Variants in WDR20 observed in about 807,000 individuals in gnomAD.
WDR20 encodes the protein WD repeat-containing protein 20.
Under a neutral mutation model 38.7 loss-of-function variants are expected in WDR20, and 3 were observed. The observed-to-expected ratio is 0.08, with a 90% CI of 0.04 to 0.20. The LOEUF (loss-of-function observed/expected upper bound fraction) is 0.20, where lower values mean the gene tolerates loss of function less well. Among genes scored for constraint, WDR20 ranks in the 10% least tolerant of loss-of-function variants. The pLI, the probability that WDR20 is intolerant of heterozygous loss-of-function variation, is 1.00. For missense variants in WDR20, 559 were observed against 727.7 expected, an observed-to-expected ratio of 0.77 and a Z score of 2.67; for synonymous variants, 298 against 285.6, an observed-to-expected ratio of 1.04 and a Z score of -0.44.
chr14:102,141,681 A>G (rs1336478437), intron 1 of WDR20, among the ~76,000 whole-genome samples: 1 of 152,136 alleles, frequency 6.6e-6, no homozygotes, highest in African/African-American at 2.4e-5. Flanking sequence ...TAATAATCAT[A>G]ATGAACTTTA....
chr14:102,140,957 A>T (rs910037390), intron 1 of WDR20, among the ~76,000 whole-genome samples: 6 of 152,318 alleles, frequency 3.9e-5, no homozygotes, highest in Admixed American at 3.9e-4. Flanking sequence ...CTGTGTCCCA[A>T]ACAGGGAGTG....
downstream of WDR20, chr14:102,213,174 G>T (rs1374747508): frequency 1.0e-6 from 1 of 985,562 alleles, no homozygotes; most frequent in African/African-American, 1.7e-5. Flanking sequence ...CGATGGGGCA[G>T]GCTTCTAAAC....
chr14:102,195,180 G>A (rs1246303395), intron 2 of WDR20, 60 bp downstream of exon 2: 7 of 1,564,468 alleles, frequency 4.5e-6, no homozygotes, highest in African/African-American at 4.1e-5. Flanking sequence ...CATTCTTACC[G>A]AGGGTAGTCG....
Position 102,220,268 on chromosome 14 carries a change from G to GTCAGAAGCC in WDR20, c.1693-2561_1693-2553dup, listed in dbSNP as rs1364080560. 2.0e-5 allele frequency among the ~76,000 whole-genome samples: 3 copies of GTCAGAAGCC among 152,306 alleles called. No homozygotes were observed. The highest frequency in any genetic ancestry group is 6.5e-5 in the Admixed American group (1 of 15,298). Reference sequence around the variant, plus strand: ...AGGAAGGGTGCTGTCCCTCATGGCCGTCAGAAGCCACCTGCAGCCACTAAG... The same window carrying GTCAGAAGCC: ...AGGAAGGGTGCTGTCCCTCATGGCCGTCAGAAGCCTCAGAAGCCACCTGCAGCCACTAAG... On this transcript the variant is annotated intron_variant, in intron 3 of 3. Coordinates refer to the WDR20 transcript ENST00000335263. The surrounding 1 kb of genome is among the most constrained non-coding windows in gnomAD (Gnocchi z 4.2).
chr14:102,203,797 C>CTTA (rs1410408358), intron 2 of WDR20, among the ~76,000 whole-genome samples: 2 of 152,162 alleles, frequency 1.3e-5, no homozygotes, highest in African/African-American at 2.4e-5. Flanking sequence ...AATTCCATTA[C>CTTA]TTATCATTGA....
In WDR20 at chr14:102,221,514, C is replaced by T. The variant is rs920940483; in HGVS notation, c.1693-1316C>T. ...TTGAGCCAGAAGTATGGGGCGTTTG[C>T]GGGGTCCTCCACAAGTACAAACAGG... On this transcript the variant is annotated intron_variant, in intron 3 of 3. Coordinates refer to the WDR20 transcript ENST00000335263. This position sits in a 1 kb window ranked among gnomAD's most constrained non-coding sequence, Gnocchi z 4.8. 2.6e-5 allele frequency among the ~76,000 whole-genome samples: 4 copies of T among 152,286 alleles called. No individual in the cohort carries two copies. Among genetic ancestry groups the T allele is most frequent in the African/African-American group, 9.6e-5 (4 of 41,556 alleles).
At chr14:102,163,711 A>G (rs939178866) in intron 1 of WDR20, among the ~76,000 whole-genome samples, 1 of 151,464 alleles carries the variant, frequency 6.6e-6, no homozygotes. Flanking sequence ...ACAACCTCCA[A>G]TCTTATGTTG....
intron 2 of WDR20, chr14:102,195,772 A>G (rs1278351664): frequency 6.6e-6 from 1 of 152,256 alleles, no homozygotes; most frequent in African/African-American, 2.4e-5. Flanking sequence ...AATGTGGCAT[A>G]TAGAAATTGC....
At chr14:102,154,254 G>A (rs2056851447) in intron 1 of WDR20, among the ~76,000 whole-genome samples, 2 of 152,238 alleles carry the variant, frequency 1.3e-5, no homozygotes, top group African/African-American at 4.8e-5. Flanking sequence ...TAGGTAGCCT[G>A]TAAAGAACAG....
At chr14:102,150,830 C>G (rs1176575005) in intron 1 of WDR20, among the ~76,000 whole-genome samples, 3 of 152,212 alleles carry the variant, frequency 2.0e-5, no homozygotes, top group African/African-American at 7.2e-5. Context: ...TTCACACACT[C>G]ATTCTAAGAG....
chr14:102,213,328 CTT>C, downstream of WDR20: 1 of 985,452 alleles, frequency 1.0e-6, no homozygotes. Flanking sequence ...GGAGTAGACA[CTT>C]TACAAATAAC....
chr14:102,146,264 A>G (rs1168812416), intron 1 of WDR20, among the ~76,000 whole-genome samples: 1 of 152,068 alleles, frequency 6.6e-6, no homozygotes, highest in South Asian at 2.1e-4. Context: ...CCCGGGTTTT[A>G]AGCGATTCTC....
At chr14:102,156,825 T>G (rs1361445672) in intron 1 of WDR20, among the ~76,000 whole-genome samples, 1 of 151,854 alleles carries the variant, frequency 6.6e-6, no homozygotes, top group African/African-American at 2.4e-5. Flanking sequence ...GTGAAACCCC[T>G]TCTTAAAATA....
chr14:102,187,061 A>T (rs2064997375), intron 1 of WDR20, among the ~76,000 whole-genome samples: 1 of 151,906 alleles, frequency 6.6e-6, no homozygotes. Context: ...CTTCTTTTCT[A>T]GTAGGTGATC....
At chr14:102,168,894 A>G (rs146152009) in intron 1 of WDR20, among the ~76,000 whole-genome samples, 24 of 152,268 alleles carry the variant, frequency 1.6e-4, no homozygotes, top group African/African-American at 5.5e-4. Context: ...GCCCACCTCT[A>G]TCCTTGCCTC....
intron 2 of WDR20, among the ~76,000 whole-genome samples, chr14:102,203,991 C>T (rs1411908881): frequency 6.6e-6 from 1 of 152,218 alleles, no homozygotes. Flanking sequence ...TTTTGTCAAA[C>T]CCAATCCAAA....
At chr14:102,215,978 C>A (rs960701537), downstream of WDR20, among the ~76,000 whole-genome samples, 9 of 152,292 alleles carry the variant, frequency 5.9e-5, no homozygotes, top group East Asian at 1.5e-3. Context: ...CTTCCTCAGG[C>A]CCTTGTGCTC....
At chr14:102,214,645 T>G (rs1300247955), downstream of WDR20, 1 of 984,156 alleles carries the variant, frequency 1.0e-6, no homozygotes, top group African/African-American at 1.7e-5. Flanking sequence ...TAGGCGACAC[T>G]GTATAAAATT....
chr14:102,172,865 C>T (rs2061223829), intron 1 of WDR20, among the ~76,000 whole-genome samples: 1 of 140,610 alleles, frequency 7.1e-6, no homozygotes, highest in Non-Finnish European at 1.6e-5. Context: ...GGGGCGGTTG[C>T]CAGGCGGAGG....
Sources: gnomAD v4.1 joint callset for allele counts (sites outside exome capture counted in the v4.1 genomes callset) on GRCh38, gnomAD v4.1.1 for gene constraint, Gnocchi (gnomAD v3.1) non-coding constraint, MANE v1.5 for transcripts, NCBI Gene and HGNC (gene_info 2026-07-23, HGNC 2026-07-21) for gene names.